CXCL13: variants seen among roughly 807,000 people sequenced by gnomAD.
CXCL13 encodes C-X-C motif chemokine 13.
A neutral mutation model predicts 12.2 loss-of-function variants in CXCL13; 7 were observed. That is an observed-to-expected ratio of 0.57 (90% confidence interval 0.33 to 1.07). The LOEUF is 1.07. Among genes scored for constraint, CXCL13 ranks in the 50% least tolerant of loss-of-function variants. The pLI is 0.04. For synonymous variants in CXCL13, 47 were observed against 42.4 expected (o/e 1.11, Z -0.42); for missense variants, 113 against 127.4 (o/e 0.89, Z 0.55).
intron 1 of CXCL13, among the ~76,000 whole-genome samples, chr4:77,533,952 A>T (rs1186249930): frequency 6.6e-6 from 1 of 152,202 alleles, no homozygotes; most frequent in Admixed American, 6.5e-5. Context: ...TTTGATTAGG[A>T]AAGGGAATTC....
chr4:77,548,445 A>G (rs547889692), intron 1 of CXCL13, among the ~76,000 whole-genome samples: 1 of 152,358 alleles, frequency 6.6e-6, no homozygotes, highest in East Asian at 1.9e-4. Flanking sequence ...CCCTGTGCCC[A>G]AGGTCATGGA....
At chr4:77,517,406 G>T (rs918624997) in intron 1 of CXCL13, among the ~76,000 whole-genome samples, 1 of 152,102 alleles carries the variant, frequency 6.6e-6, no homozygotes, top group African/African-American at 2.4e-5. Context: ...TGACAGTGGG[G>T]TGTTAAAGTC....
intron 2 of CXCL13, 21 bp downstream of exon 2, chr4:77,607,856 A>G: frequency 6.2e-7 from 1 of 1,611,264 alleles, no homozygotes; most frequent in Non-Finnish European, 8.5e-7. Flanking sequence ...AGAGAAAAAT[A>G]AATAAGATTT....
intron 1 of CXCL13, among the ~76,000 whole-genome samples, chr4:77,528,473 A>C (rs1343877271): frequency 6.6e-6 from 1 of 152,140 alleles, no homozygotes. Flanking sequence ...TGCCATTCTA[A>C]GTGGTGTGAG....
chr4:77,579,996 T>C (rs1247673772), intron 1 of CXCL13, among the ~76,000 whole-genome samples: 2 of 152,170 alleles, frequency 1.3e-5, no homozygotes, highest in African/African-American at 4.8e-5. Flanking sequence ...AGATCAGACC[T>C]TGGCTGTGTA....
intron 1 of CXCL13, among the ~76,000 whole-genome samples, chr4:77,517,666 C>A (rs1724462966): frequency 1.3e-5 from 2 of 152,112 alleles, no homozygotes; most frequent in Non-Finnish European, 2.9e-5. Flanking sequence ...CTTGGTAGAT[C>A]TTCCTCCATC....
rs531152781 is a variant in CXCL13, at chr4:77,569,922, C to T, written c.-42-35902C>T. On this transcript the variant is annotated intron_variant, in intron 1 of 4. Coordinates refer to the CXCL13 transcript ENST00000286758. ...AAACAGCATGGTACTGGTACAAAAA[C>T]AGACACATAGGCCAATGGAACAGAA... Among the ~76,000 whole-genome samples, 7 of 152,328 alleles carry T rather than the reference C, an allele frequency of 4.6e-5. No individual in the cohort carries two copies. In the South Asian group the frequency reaches 1.0e-3, roughly 23 times the overall value.
chr4:77,527,191 T>C (rs762518336), intron 1 of CXCL13, among the ~76,000 whole-genome samples: 1 of 152,042 alleles, frequency 6.6e-6, no homozygotes, highest in Non-Finnish European at 1.5e-5. Flanking sequence ...AACCACAAAA[T>C]GTAGCACTGT....
intron 1 of CXCL13, among the ~76,000 whole-genome samples, chr4:77,589,282 A>T (rs1025016200): frequency 6.6e-6 from 1 of 152,136 alleles, no homozygotes; most frequent in African/African-American, 2.4e-5. Context: ...GCTTCATCCC[A>T]TCTGGGACAC....
chr4:77,598,501 T>C (rs985910475), intron 1 of CXCL13, among the ~76,000 whole-genome samples: 8 of 152,214 alleles, frequency 5.3e-5, no homozygotes, highest in African/African-American at 1.7e-4. Flanking sequence ...TTTTCATCTA[T>C]GTTAGCTGGA....
intron 1 of CXCL13, among the ~76,000 whole-genome samples, chr4:77,573,416 C>T (rs1177862604): frequency 8.1e-6 from 1 of 122,916 alleles, no homozygotes; most frequent in African/African-American, 3.1e-5. Flanking sequence ...GTGTGTATGT[C>T]TAAATGTGTT....
At chr4:77,533,934 C>G (rs1724993204) in intron 1 of CXCL13, among the ~76,000 whole-genome samples, 1 of 152,208 alleles carries the variant, frequency 6.6e-6, no homozygotes. Context: ...CCATCTGTCA[C>G]CCCTTTCTTT....
At chr4:77,593,610 A>T (rs1726672383) in intron 1 of CXCL13, among the ~76,000 whole-genome samples, 1 of 152,268 alleles carries the variant, frequency 6.6e-6, no homozygotes, top group African/African-American at 2.4e-5. Flanking sequence ...GCACTTTCGC[A>T]TACCTTAACT....
At chr4:77,605,623 T>C (rs1177415544), upstream of CXCL13, among the ~76,000 whole-genome samples, 1 of 152,200 alleles carries the variant, frequency 6.6e-6, no homozygotes, top group Non-Finnish European at 1.5e-5. Context: ...GCACTTATAG[T>C]CCATGTTTGC....
intron 1 of CXCL13, among the ~76,000 whole-genome samples, chr4:77,560,986 C>T (rs547307111): frequency 1.3e-5 from 2 of 152,084 alleles, no homozygotes; most frequent in African/African-American, 2.4e-5. Flanking sequence ...CCTGGGAACC[C>T]CAGGCAGTTA....
intron 1 of CXCL13, among the ~76,000 whole-genome samples, chr4:77,585,196 A>G (rs753796631): frequency 2.0e-5 from 3 of 152,222 alleles, no homozygotes; most frequent in Non-Finnish European, 4.4e-5. Context: ...GGCTTTAAAA[A>G]TTGGGAGAAA....
upstream of CXCL13, among the ~76,000 whole-genome samples, chr4:77,605,272 A>G (rs1007303128): frequency 7.2e-5 from 11 of 152,220 alleles, no homozygotes; most frequent in Admixed American, 7.2e-4. Flanking sequence ...CATATATTTC[A>G]GATAGCAAAA....
rs992129255 is a variant in CXCL13, at chr4:77,611,613, C to T, written c.*574C>T. ...TTTACTGTCTAAGATTAATAGCATTCGAAGATCCCCAGACTTCATAGAATA... is the reference window on the plus strand; with the variant it reads ...TTTACTGTCTAAGATTAATAGCATTTGAAGATCCCCAGACTTCATAGAATA... On this transcript the variant is annotated 3_prime_UTR_variant, in exon 4 of 4. Coordinates refer to ENST00000682537, the MANE Select transcript of CXCL13 (RefSeq NM_001371558.1). 1.0e-5 allele frequency: 4 copies of T among 398,368 alleles called. No individual in the cohort carries two copies. In the East Asian group the frequency reaches 1.1e-4, roughly 11 times the overall value. The allele number at this position is 398,368 out of a possible 1,614,324, so 24.7% of individuals were successfully genotyped here. A position where few individuals can be genotyped will look rare whatever the true frequency, so the allele number is the denominator to read the frequency against.
At chr4:77,570,953 C>T (rs889959513) in intron 1 of CXCL13, among the ~76,000 whole-genome samples, 5 of 152,040 alleles carry the variant, frequency 3.3e-5, no homozygotes, top group Admixed American at 1.3e-4. Context: ...CCTCTGCCTC[C>T]GTGGGTTCCT....
Sources: gnomAD v4.1 joint callset for allele counts (sites outside exome capture counted in the v4.1 genomes callset) on GRCh38, gnomAD v4.1.1 for gene constraint, MANE v1.5 for transcripts, NCBI Gene and HGNC (gene_info 2026-07-23, HGNC 2026-07-21) for gene names.